The following MAP2K6 variants were observed in gnomAD, a reference collection of about 807,000 sequenced individuals.
MAP2K6 encodes mitogen-activated protein kinase kinase 6.
Under a neutral mutation model 53.7 loss-of-function variants are expected in MAP2K6, and 16 were observed. That is an observed-to-expected ratio of 0.30 (90% CI 0.20 to 0.45). The LOEUF is 0.45. Ranked by LOEUF, MAP2K6 falls within the 20% of genes least tolerant of loss-of-function variation. MAP2K6 has a pLI of 1.00. For synonymous variants in MAP2K6, 132 were observed against 143.1 expected, an observed-to-expected ratio of 0.92 and a Z score of 0.55; for missense variants, 204 against 411.9, an observed-to-expected ratio of 0.50 and a Z score of 4.37.
chr17:69,421,016 G>T (rs1303238833), intron 1 of MAP2K6, among the ~76,000 whole-genome samples: 1 of 152,132 alleles, frequency 6.6e-6, no homozygotes, highest in Non-Finnish European at 1.5e-5. Context: ...GGACTGTCTT[G>T]TTTGAAAGCC....
At position 69,542,302 on chromosome 17, in the gene MAP2K6, G is replaced by C. The variant is rs936050183; in HGVS notation, c.*549G>C. On this transcript the variant is annotated 3_prime_UTR_variant, in exon 12 of 12. Coordinates refer to ENST00000590474, the MANE Select transcript of MAP2K6 (RefSeq NM_002758.4). ...AAGAAATTATTTAATATGCATCTTTGAGAATATTATAAAAATATCAAAAAG... is the reference window on the plus strand; with the variant it reads ...AAGAAATTATTTAATATGCATCTTTCAGAATATTATAAAAATATCAAAAAG... The C allele has an allele frequency of 6.6e-6, 1 of 152,436 alleles. No individual in the cohort carries two copies. The highest frequency in any genetic ancestry group is 2.4e-5 in the African/African-American group (1 of 41,370). 9.4% of individuals were successfully genotyped at this position (152,436 alleles called of 1,614,324 possible).
intron 1 of MAP2K6, chr17:69,433,676 A>G (rs1326766210): frequency 6.6e-6 from 1 of 152,232 alleles, no homozygotes; most frequent in Non-Finnish European, 1.5e-5. Flanking sequence ...GTCTCTGCCA[A>G]TGTTTGTGAT....
At chr17:69,477,102 G>T (rs767380792) in intron 1 of MAP2K6, 5 of 152,232 alleles carry the variant, frequency 3.3e-5, no homozygotes, top group African/African-American at 1.2e-4. Context: ...CATTTCTGCT[G>T]TCTGCTAACT....
At chr17:69,493,895 A>AG (rs1330546885) in intron 1 of MAP2K6, among the ~76,000 whole-genome samples, 5 of 152,212 alleles carry the variant, frequency 3.3e-5, no homozygotes, top group African/African-American at 1.2e-4. Context: ...TAATTTGCTG[A>AG]GGGATTATTT....
chr17:69,524,438 C>T (rs1181291580), intron 8 of MAP2K6, among the ~76,000 whole-genome samples: 4 of 150,562 alleles, frequency 2.7e-5, no homozygotes, highest in Admixed American at 1.3e-4. Flanking sequence ...GGAGGAACGG[C>T]CACTAGATTC....
chr17:69,540,116 A>G lies in MAP2K6; in HGVS notation c.928-1560A>G, dbSNP rs181679735. Among the ~76,000 whole-genome samples the G allele has an allele frequency of 3.3e-4, 50 of 152,198 alleles. No homozygotes were observed. In the East Asian group the frequency reaches 8.7e-3, roughly 26 times the overall value. The stretch of plus-strand genomic sequence containing the variant: ...ATTTCTTTGTTCCTTTCCCATTTGC[A>G]TTGTTTCCTAGAGTTTCCATGAGCA... On this transcript the variant is annotated intron_variant, in intron 11 of 11. Transcript: ENST00000590474.
chr17:69,502,171 T>A (rs1345634911), intron 1 of MAP2K6: 1 of 985,394 alleles, frequency 1.0e-6, no homozygotes, highest in Admixed American at 6.1e-5. Context: ...CCCACTTCCC[T>A]TCTCCCTTCC....
At chr17:69,421,698 T>C (rs767715459) in intron 1 of MAP2K6, among the ~76,000 whole-genome samples, 3 of 151,726 alleles carry the variant, frequency 2.0e-5, no homozygotes, top group African/African-American at 4.8e-5. Flanking sequence ...GCCGCCACCA[T>C]GCCCGGCTAA....
chr17:69,496,140 A>G lies in MAP2K6; in HGVS notation c.17-9640A>G, dbSNP rs576370114. On this transcript the variant is annotated intron_variant, in intron 1 of 11. Coordinates refer to ENST00000590474, the MANE Select transcript of MAP2K6 (RefSeq NM_002758.4). Reference sequence around the variant, plus strand: ...TAATAAAACCCATTTGAGCACTTTTATTCTCTTAAAATGGGGCCATTTCCC... The same window carrying G: ...TAATAAAACCCATTTGAGCACTTTTGTTCTCTTAAAATGGGGCCATTTCCC... Among the ~76,000 whole-genome samples, 30 of 151,558 alleles carry G rather than the reference A, an allele frequency of 2.0e-4. No homozygotes were observed. In the South Asian group the frequency reaches 6.3e-3, roughly 32 times the overall value.
chr17:69,458,353 G>C (rs765567412), intron 1 of MAP2K6, among the ~76,000 whole-genome samples: 2 of 152,040 alleles, frequency 1.3e-5, no homozygotes, highest in African/African-American at 2.4e-5. Context: ...GCACCCTGCC[G>C]CTCCTTCTTT....
chr17:69,527,392 T>C (rs1910830387), intron 10 of MAP2K6, among the ~76,000 whole-genome samples: 1 of 152,058 alleles, frequency 6.6e-6, no homozygotes, highest in East Asian at 1.9e-4. Context: ...CCAAAGGAAG[T>C]TGGGGTGGAA....
intron 1 of MAP2K6, among the ~76,000 whole-genome samples, chr17:69,454,902 C>A (rs1384756649): frequency 6.6e-6 from 1 of 152,136 alleles, no homozygotes; most frequent in Non-Finnish European, 1.5e-5. Flanking sequence ...TTACAAACAT[C>A]GTTCTTTTCG....
At chr17:69,424,621 C>T (rs73998270) in intron 1 of MAP2K6, among the ~76,000 whole-genome samples, 2,609 of 152,144 alleles carry the variant, frequency 0.017, 84 homozygotes, top group African/African-American at 0.06. Flanking sequence ...GACGTCACTC[C>T]AAAATAAAGG....
chr17:69,497,386 C>T (rs1161951344), intron 1 of MAP2K6, among the ~76,000 whole-genome samples: 2 of 152,144 alleles, frequency 1.3e-5, no homozygotes, highest in African/African-American at 4.8e-5. Flanking sequence ...GTAATAACAA[C>T]ATTCTGAGGA....
At chr17:69,451,623 G>T (rs962767146) in intron 1 of MAP2K6, among the ~76,000 whole-genome samples, 1 of 152,210 alleles carries the variant, frequency 6.6e-6, no homozygotes, top group East Asian at 1.9e-4. Context: ...AACAAAGCAG[G>T]TTTGGGCAAA....
intron 1 of MAP2K6, among the ~76,000 whole-genome samples, chr17:69,427,725 C>T (rs1445494538): frequency 6.6e-6 from 1 of 152,186 alleles, no homozygotes; most frequent in African/African-American, 2.4e-5. Flanking sequence ...TAACATATGA[C>T]CCAGCCAGGT....
chr17:69,516,585 C>T (rs140566670), intron 2 of MAP2K6, among the ~76,000 whole-genome samples: 318 of 152,248 alleles, frequency 2.1e-3, no homozygotes, highest in African/African-American at 7.3e-3. Context: ...CTTGTATTGT[C>T]TCTTTTAATA....
intron 1 of MAP2K6, among the ~76,000 whole-genome samples, chr17:69,421,708 A>AT (rs1156608093): frequency 6.6e-6 from 1 of 150,612 alleles, no homozygotes; most frequent in African/African-American, 2.4e-5. Flanking sequence ...TGCCCGGCTA[A>AT]TTTTTTTTGT....
chr17:69,537,760 C>T (rs1911427419), intron 11 of MAP2K6, among the ~76,000 whole-genome samples: 1 of 152,184 alleles, frequency 6.6e-6, no homozygotes, highest in Admixed American at 6.5e-5. Flanking sequence ...AGCACTCTAC[C>T]ATCTTTATTC....
Sources: gnomAD v4.1 joint callset for allele counts (sites outside exome capture counted in the v4.1 genomes callset) on GRCh38, gnomAD v4.1.1 for gene constraint, MANE v1.5 for transcripts, NCBI Gene and HGNC (gene_info 2026-07-23, HGNC 2026-07-21) for gene names.